ANO3: variants seen among roughly 807,000 people sequenced by gnomAD.
ANO3 encodes the protein anoctamin-3.
In ANO3, 99 loss-of-function variants were observed where a neutral mutation model predicts 144.8. The ratio of observed to expected loss-of-function variants is 0.68; its 90% CI spans 0.58 to 0.81. ANO3 has a LOEUF of 0.81. Ranked by LOEUF, ANO3 falls within the 30% of genes least tolerant of loss-of-function variation. The pLI is 0.00. For synonymous variants in ANO3, 414 were observed against 392.6 expected (o/e 1.05, Z -0.64); for missense variants, 905 against 1,202.2 (o/e 0.75, Z 3.66).
rs140177525 is a variant in ANO3, at chr11:26,381,863, T to C, written c.46+49542T>C. On this transcript the variant is annotated intron_variant, in intron 1 of 26. Transcript: ENST00000256737. ...ACTTCCCAGTAGAGCAAAGAATTGG[T>C]ATTTTATTTTTAGAAGTAAACATGA... Among the ~76,000 whole-genome samples, 65 of 152,316 alleles carry C rather than the reference T, an allele frequency of 4.3e-4. No individual in the cohort carries two copies. The East Asian group carries it at 0.012, about 28-fold the overall frequency.
At chr11:26,256,943 A>G (rs1853071391) in intron 1 of ANO3, among the ~76,000 whole-genome samples, 1 of 152,132 alleles carries the variant, frequency 6.6e-6, no homozygotes, top group Admixed American at 6.6e-5. Flanking sequence ...AGTAGAAGCT[A>G]GAAATGCTGC....
intron 1 of ANO3, among the ~76,000 whole-genome samples, chr11:26,300,846 CTTTTTTTTCTTTT>C (rs1415264915): frequency 7.1e-6 from 1 of 141,320 alleles, no homozygotes; most frequent in Non-Finnish European, 1.5e-5. Context: ...TTATTTCTTT[CTTTTTTTTCTTTT>C]TTTTTTTTTT....
intron 1 of ANO3, among the ~76,000 whole-genome samples, chr11:26,355,442 CTG>C (rs990827173): frequency 2.0e-5 from 3 of 152,016 alleles, no homozygotes; most frequent in African/African-American, 7.2e-5. Flanking sequence ...TCTTTTGTAA[CTG>C]TTTATTTCAT....
rs971447877 is a variant in ANO3, at chr11:26,661,325, C to T, written c.*881C>T. On this transcript the variant is annotated 3_prime_UTR_variant, in exon 27 of 27. Transcript: ENST00000256737. ...TCTCTATGATTTATTACAACTCTCA[C>T]GGAATATTAACTTGAAATGCTGTAA... is the stretch of plus-strand genomic sequence containing the variant. 3.9e-5 allele frequency: 6 copies of T among 152,508 alleles called. No homozygotes were observed. Among genetic ancestry groups the T allele is most frequent in the African/African-American group, 7.2e-5 (3 of 41,428 alleles). The allele number at this position is 152,508 out of a possible 1,614,324, so 9.4% of individuals were successfully genotyped here. A position where few individuals can be genotyped will look rare whatever the true frequency, so the allele number is the denominator to read the frequency against.
In ANO3 at chr11:26,342,708, C is replaced by T. The variant is rs566079875; in HGVS notation, c.46+10387C>T. 2.9e-3 allele frequency among the ~76,000 whole-genome samples: 449 copies of T among 152,306 alleles called. 3 individuals are homozygous for T. The highest frequency in any genetic ancestry group is 0.01 in the African/African-American group (426 of 41,562). Reference sequence around the variant, plus strand: ...ATAAAATGCCAGTAGTTCCCGTACTCACTCCAAATAAATTAGATTAAAGAT... The same window carrying T: ...ATAAAATGCCAGTAGTTCCCGTACTTACTCCAAATAAATTAGATTAAAGAT... On this transcript the variant is annotated intron_variant, in intron 1 of 26. Coordinates refer to ENST00000256737, the MANE Select transcript of ANO3 (RefSeq NM_031418.4).
chr11:26,336,340 G>A (rs1054135730), intron 1 of ANO3, among the ~76,000 whole-genome samples: 1 of 152,172 alleles, frequency 6.6e-6, no homozygotes, highest in Non-Finnish European at 1.5e-5. Context: ...TTGGCTTAAT[G>A]GGATCAGCTA....
At chr11:26,595,888 T>G (rs1293014558) in intron 14 of ANO3, among the ~76,000 whole-genome samples, 1 of 152,240 alleles carries the variant, frequency 6.6e-6, no homozygotes, top group African/African-American at 2.4e-5. Context: ...AGGTTTCCTC[T>G]AAAGGTTATT....
rs754306957 is a variant in ANO3, at chr11:26,441,957, C to T, written c.86C>T (p.Ser29Leu). The T allele has an allele frequency of 1.5e-5, 25 of 1,613,646 alleles. No individual in the cohort carries two copies. In the East Asian group the frequency reaches 3.1e-4, roughly 20 times the overall value. The change falls in exon 2 of 27, where the codon TCG becomes TTG. Residue 29 changes from serine to leucine, a missense_variant. Coordinates refer to ENST00000256737, the MANE Select transcript of ANO3 (RefSeq NM_031418.4). ...ISKSEITKET[S>L]LKPSRRSLPC... ...AAGAGTGAGATAACAAAAGAAACTT[C>T]GTTAAAACCGTCTCGGAGATCCCTG...
At chr11:26,425,825 C>T (rs977036560) in intron 1 of ANO3, among the ~76,000 whole-genome samples, 6 of 152,182 alleles carry the variant, frequency 3.9e-5, no homozygotes, top group Admixed American at 3.3e-4. Flanking sequence ...TTCTAAGTGT[C>T]TTATTTATTT....
chr11:26,515,134 T>A (rs1236874302), intron 5 of ANO3, among the ~76,000 whole-genome samples: 1 of 152,086 alleles, frequency 6.6e-6, no homozygotes, highest in Non-Finnish European at 1.5e-5. Context: ...GCATTGTCAA[T>A]TTTCATTTTA....
Position 26,661,751 on chromosome 11 carries a change from C to G in ANO3, c.*1307C>G, listed in dbSNP as rs183668581. 1 of 151,964 alleles carries G rather than the reference C, an allele frequency of 6.6e-6. No homozygotes were observed. The highest frequency in any genetic ancestry group is 1.5e-5 in the Non-Finnish European group (1 of 67,980). The allele number at this position is 151,964 out of a possible 1,614,324, so 9.4% of individuals were successfully genotyped here. ...TTCTATTTCAACGTCAACTCTGTAT[C>G]TATGAGTATGTCTGTTCCACAGACA... On this transcript the variant is annotated 3_prime_UTR_variant, in exon 27 of 27. Coordinates refer to ENST00000256737, the MANE Select transcript of ANO3 (RefSeq NM_031418.4).
chr11:26,275,665 T>C (rs143308285), intron 1 of ANO3, among the ~76,000 whole-genome samples: 1 of 152,234 alleles, frequency 6.6e-6, no homozygotes, highest in East Asian at 1.9e-4. Context: ...CCTGCGTAAC[T>C]CTGGAGGTCA....
chr11:26,338,915 C>T lies in ANO3; in HGVS notation c.46+6594C>T, dbSNP rs149685939. Among the ~76,000 whole-genome samples the T allele has an allele frequency of 6.3e-3, 955 of 152,330 alleles. 16 individuals are homozygous for T. The highest frequency in any genetic ancestry group is 0.023 in the African/African-American group (937 of 41,566). ...GGGTCCGCGGCTTCATTCTTGAAGT[C>T]AGCGAGACCAAGAACCCACTGGAAG... On this transcript the variant is annotated intron_variant, in intron 1 of 26. Transcript: ENST00000256737.
intron 4 of ANO3, among the ~76,000 whole-genome samples, chr11:26,486,377 A>AAAAAG (rs780384502): frequency 4.5e-4 from 68 of 149,726 alleles, no homozygotes; most frequent in Middle Eastern, 7.1e-3. Flanking sequence ...AAAAAAAAAA[A>AAAAAG]AAGGAAGTCA....
chr11:26,275,935 C>G (rs968151207), intron 1 of ANO3, among the ~76,000 whole-genome samples: 1 of 152,112 alleles, frequency 6.6e-6, no homozygotes, highest in African/African-American at 2.4e-5. Context: ...CTCTCTGAAG[C>G]TGTATTCACT....
chr11:26,284,261 G>A (rs1350411817), intron 1 of ANO3, among the ~76,000 whole-genome samples: 6 of 152,204 alleles, frequency 3.9e-5, no homozygotes, highest in Non-Finnish European at 8.8e-5. Context: ...ATACAGGCAA[G>A]AGGTGATGGT....
At chr11:26,192,491 G>C (rs1418380030) in intron 1 of ANO3, among the ~76,000 whole-genome samples, 1 of 152,074 alleles carries the variant, frequency 6.6e-6, no homozygotes, top group African/African-American at 2.4e-5. Context: ...ATTTAACCAC[G>C]TATGTCTAAA....
chr11:26,488,322 G>A (rs182246996), intron 4 of ANO3, among the ~76,000 whole-genome samples: 1 of 152,288 alleles, frequency 6.6e-6, no homozygotes, highest in Non-Finnish European at 1.5e-5. Context: ...TAAGTAGCAA[G>A]GAGCCTAATG....
chr11:26,385,229 T>G (rs1590315339), intron 1 of ANO3, among the ~76,000 whole-genome samples: 1 of 152,214 alleles, frequency 6.6e-6, no homozygotes, highest in East Asian at 1.9e-4. Flanking sequence ...GGAGCTATGT[T>G]TCTCACTGTT....
Sources: gnomAD v4.1 joint callset for allele counts (sites outside exome capture counted in the v4.1 genomes callset) on GRCh38, gnomAD v4.1.1 for gene constraint, MANE v1.5 for transcripts, NCBI Gene and HGNC (gene_info 2026-07-23, HGNC 2026-07-21) for gene names.